MYPN: variants seen among roughly 807,000 people sequenced by gnomAD.
The protein encoded by MYPN is sarcomeric protein myopalladin, 145 kDa (MYOP).
A neutral mutation model predicts 129.4 loss-of-function variants in MYPN; 63 were observed. The observed-to-expected ratio is 0.49, with a 90% CI of 0.40 to 0.60. MYPN has a LOEUF of 0.60. Ranked by LOEUF, MYPN falls within the 20% of genes least tolerant of loss-of-function variation. The pLI, the probability that MYPN is intolerant of heterozygous loss-of-function variation, is 0.00. For missense variants in MYPN, 1,596 were observed against 1,635.4 expected, an observed-to-expected ratio of 0.98 and a Z score of 0.42; for synonymous variants, 629 against 600.9, an observed-to-expected ratio of 1.05 and a Z score of -0.68.
intron 1 of MYPN, among the ~76,000 whole-genome samples, chr10:68,091,131 A>G (rs932500976): frequency 5.9e-5 from 9 of 152,260 alleles, no homozygotes; most frequent in Admixed American, 5.2e-4. Context: ...AAAAAACTAA[A>G]CTGAAATTAG....
intron 13 of MYPN, among the ~76,000 whole-genome samples, chr10:68,191,713 C>T (rs1246034817): frequency 6.6e-6 from 1 of 152,052 alleles, no homozygotes; most frequent in East Asian, 1.9e-4. Flanking sequence ...TTGTAGAGAT[C>T]TTTCACTTCT....
At chr10:68,101,741 C>T (rs1162950662), upstream of MYPN, among the ~76,000 whole-genome samples, 1 of 151,992 alleles carries the variant, frequency 6.6e-6, no homozygotes, top group Non-Finnish European at 1.5e-5. Flanking sequence ...TTAAAACTTA[C>T]TTCTGATAGC....
At chr10:68,195,693 C>T (rs572216678) in intron 15 of MYPN, among the ~76,000 whole-genome samples, 161 bp downstream of exon 15, 1 of 152,140 alleles carries the variant, frequency 6.6e-6, no homozygotes, top group Non-Finnish European at 1.5e-5. Context: ...GAATCCCAGG[C>T]CCCACTCTGG....
intron 6 of MYPN, among the ~76,000 whole-genome samples, chr10:68,152,730 G>C (rs778687925): frequency 1.3e-5 from 2 of 152,028 alleles, no homozygotes; most frequent in African/African-American, 4.8e-5. Flanking sequence ...TGGCCCCCCC[G>C]GGTTTAAGCG....
chr10:68,119,935 G>A (rs760669234), intron 1 of MYPN, among the ~76,000 whole-genome samples: 9 of 152,178 alleles, frequency 5.9e-5, no homozygotes, highest in Middle Eastern at 3.4e-3. Context: ...AACTGGGACA[G>A]TTCCTAGGAA....
intron 12 of MYPN, among the ~76,000 whole-genome samples, chr10:68,188,055 G>T (rs979731198): frequency 2.0e-5 from 3 of 150,060 alleles, no homozygotes; most frequent in South Asian, 2.1e-4. Flanking sequence ...TTGTTGTGAG[G>T]GGGGCAGAGA....
chr10:68,183,919 G>A (rs865806520), intron 12 of MYPN, among the ~76,000 whole-genome samples: 1 of 152,148 alleles, frequency 6.6e-6, no homozygotes, highest in East Asian at 1.9e-4. Flanking sequence ...CTACTTGGGA[G>A]GCCAAGATGG....
chr10:68,131,737 T>C (rs1247084898), intron 2 of MYPN, among the ~76,000 whole-genome samples: 3 of 152,216 alleles, frequency 2.0e-5, no homozygotes, highest in African/African-American at 7.2e-5. Flanking sequence ...TCTCTGGGTC[T>C]TACAAATCCT....
chr10:68,184,136 C>T (rs1336555111), intron 12 of MYPN, among the ~76,000 whole-genome samples: 1 of 152,190 alleles, frequency 6.6e-6, no homozygotes. Context: ...TGTTTCTCTT[C>T]ATCCATCAAG....
intron 12 of MYPN, among the ~76,000 whole-genome samples, chr10:68,182,545 C>T (rs1285997182): frequency 2.0e-5 from 3 of 148,038 alleles, no homozygotes; most frequent in Admixed American, 6.8e-5. Context: ...TTTACTTTGT[C>T]GCCCAGGCTG....
At chr10:68,111,242 T>G (rs72795406) in intron 1 of MYPN, among the ~76,000 whole-genome samples, 505 of 152,294 alleles carry the variant, frequency 3.3e-3, no homozygotes, top group Admixed American at 7.8e-3. Flanking sequence ...CAGGTTCCAT[T>G]TTGAAAGGGT....
At chr10:68,109,895 A>G (rs2042058351) in intron 1 of MYPN, among the ~76,000 whole-genome samples, 172 bp downstream of exon 1, 1 of 152,202 alleles carries the variant, frequency 6.6e-6, no homozygotes, top group Admixed American at 6.5e-5. Flanking sequence ...TTCCACATGT[A>G]AAGATTTTGG....
chr10:68,091,869 C>T (rs1333096136), intron 1 of MYPN, among the ~76,000 whole-genome samples: 1 of 148,826 alleles, frequency 6.7e-6, no homozygotes, highest in East Asian at 2.0e-4. Context: ...AAAAAAATTA[C>T]AAGAGAAAAA....
intron 16 of MYPN, among the ~76,000 whole-genome samples, chr10:68,199,150 C>A (rs1235323490): frequency 6.6e-6 from 1 of 152,060 alleles, no homozygotes; most frequent in Non-Finnish European, 1.5e-5. Context: ...AATAGGTTAA[C>A]CATTACCTTA....
At chr10:68,137,553 G>T (rs912171640) in intron 2 of MYPN, among the ~76,000 whole-genome samples, 1 of 152,098 alleles carries the variant, frequency 6.6e-6, no homozygotes, top group Non-Finnish European at 1.5e-5. Context: ...TGGTCATCAG[G>T]AAAATTAGTA....
At chr10:68,151,064 A>G (rs1309484321) in intron 6 of MYPN, among the ~76,000 whole-genome samples, 1 of 152,198 alleles carries the variant, frequency 6.6e-6, no homozygotes, top group Admixed American at 6.5e-5. Flanking sequence ...CCCACAACAC[A>G]TAGGATGACA....
chr10:68,100,475 A>C (rs1310228115), intron 1 of MYPN, among the ~76,000 whole-genome samples: 1 of 152,214 alleles, frequency 6.6e-6, no homozygotes, highest in African/African-American at 2.4e-5. Flanking sequence ...GAGAATGAAC[A>C]GAACTGCCCA....
At chr10:68,142,802 AT>A in intron 2 of MYPN, 137 bp from the exon 3 acceptor site, 1 of 850,644 alleles carries the variant, frequency 1.2e-6, no homozygotes, top group Non-Finnish European at 2.0e-6. Context: ...TTACAAAAAA[AT>A]AATGTTATAA....
At chr10:68,169,175 C>T (rs2043102948) in intron 10 of MYPN, among the ~76,000 whole-genome samples, 1 of 77,042 alleles carries the variant, frequency 1.3e-5, no homozygotes, top group Non-Finnish European at 2.4e-5. Context: ...GAAACTCCGT[C>T]TCTACTAAAA....
Sources: gnomAD v4.1 joint callset for allele counts (sites outside exome capture counted in the v4.1 genomes callset) on GRCh38, gnomAD v4.1.1 for gene constraint, MANE v1.5 for transcripts, NCBI Gene and HGNC (gene_info 2026-07-23, HGNC 2026-07-21) for gene names.